Variants in PRKG1 observed in about 807,000 individuals in gnomAD.
PRKG1 encodes the protein cGMP-dependent protein kinase 1.
PRKG1 carries 35 observed loss-of-function variants against 88.1 expected under a neutral mutation model. The ratio of observed to expected loss-of-function variants is 0.40; its 90% confidence interval spans 0.30 to 0.53. PRKG1 has a LOEUF of 0.53. PRKG1 is among the 20% of genes least tolerant of loss of function. The pLI, the probability that PRKG1 is intolerant of heterozygous loss-of-function variation, is 0.59. For synonymous variants in PRKG1, 303 were observed against 292.5 expected (o/e 1.04, Z -0.37); for missense variants, 540 against 839.8 (o/e 0.64, Z 4.41).
intron 2 of PRKG1, among the ~76,000 whole-genome samples, chr10:51,271,967 A>G (rs954949269): frequency 1.3e-5 from 2 of 152,052 alleles, no homozygotes; most frequent in Non-Finnish European, 2.9e-5. Flanking sequence ...GGTATATCTG[A>G]TTCTAGATCC....
chr10:51,430,730 C>T (rs901667033), intron 2 of PRKG1, among the ~76,000 whole-genome samples: 4 of 152,040 alleles, frequency 2.6e-5, no homozygotes, highest in African/African-American at 4.8e-5. Context: ...AAAAACAAAA[C>T]GTGTTATGTC....
At chr10:51,998,741 A>C (rs1352903595) in intron 5 of PRKG1, among the ~76,000 whole-genome samples, 1 of 152,160 alleles carries the variant, frequency 6.6e-6, no homozygotes, top group Non-Finnish European at 1.5e-5. Context: ...ATTATTTGCA[A>C]TTTTTGAAGA....
chr10:52,088,744 A>G (rs537214762), intron 7 of PRKG1, among the ~76,000 whole-genome samples: 25 of 152,316 alleles, frequency 1.6e-4, no homozygotes, highest in African/African-American at 6.0e-4. Context: ...GTATTGTGTT[A>G]TGGCAGCAGA....
At position 51,629,078 on chromosome 10, in the gene PRKG1, A is replaced by T. The variant is rs535170432; in HGVS notation, c.592+161242A>T. Among the ~76,000 whole-genome samples, 6 of 152,310 alleles carry T rather than the reference A, an allele frequency of 3.9e-5. No individual in the cohort carries two copies. The South Asian group carries it at 1.2e-3, about 32-fold the overall frequency. On this transcript the variant is annotated intron_variant, in intron 3 of 17. Transcript: ENST00000373980. ...ACTTTGTTTTTATAAAATAGAAAGG[A>T]TCATAGTTGAAAATATGGGGTGTGG...
intron 3 of PRKG1, among the ~76,000 whole-genome samples, chr10:51,746,775 G>T (rs1310925963): frequency 6.6e-6 from 1 of 151,354 alleles, no homozygotes; most frequent in South Asian, 2.1e-4. Flanking sequence ...AAAAAGAAAA[G>T]AAAAGAAAAA....
chr10:51,097,772 C>T (rs1844571420), intron 1 of PRKG1, among the ~76,000 whole-genome samples: 1 of 152,290 alleles, frequency 6.6e-6, no homozygotes, highest in East Asian at 1.9e-4. Flanking sequence ...GAATTTTACA[C>T]TCAACCTTCT....
At chr10:51,495,773 G>T (rs1025924838) in intron 3 of PRKG1, among the ~76,000 whole-genome samples, 16 of 152,122 alleles carry the variant, frequency 1.1e-4, no homozygotes, top group African/African-American at 3.6e-4. Flanking sequence ...TGTATATTCC[G>T]CTGAGTTAAG....
chr10:51,960,452 G>A (rs1903957), intron 5 of PRKG1, among the ~76,000 whole-genome samples: 1 of 151,952 alleles, frequency 6.6e-6, no homozygotes, highest in South Asian at 2.1e-4. Context: ...AAATATTTAT[G>A]GGAGTAAGAT....
chr10:51,303,592 G>T (rs1159526669), intron 2 of PRKG1, among the ~76,000 whole-genome samples: 5 of 151,820 alleles, frequency 3.3e-5, no homozygotes, highest in Admixed American at 1.3e-4. Context: ...GTCTTACTGG[G>T]CATGATGGAT....
chr10:51,207,994 T>A (rs748554257), intron 2 of PRKG1, among the ~76,000 whole-genome samples: 3 of 152,272 alleles, frequency 2.0e-5, no homozygotes, highest in Admixed American at 2.0e-4. Context: ...ATTAACTGAA[T>A]GTCTTTGATG....
At chr10:51,266,531 A>G (rs1214185005) in intron 2 of PRKG1, among the ~76,000 whole-genome samples, 1 of 152,194 alleles carries the variant, frequency 6.6e-6, no homozygotes, top group Non-Finnish European at 1.5e-5. Flanking sequence ...TTCAAAATTG[A>G]TAAGAATTTG....
intron 9 of PRKG1, among the ~76,000 whole-genome samples, chr10:52,164,462 TG>T (rs1838375861): frequency 6.6e-6 from 1 of 152,196 alleles, no homozygotes; most frequent in Non-Finnish European, 1.5e-5. Flanking sequence ...ACAGATTCCA[TG>T]TCTATTATGT....
At chr10:51,627,909 T>C in intron 3 of PRKG1, among the ~76,000 whole-genome samples, 2 of 141,680 alleles carry the variant, frequency 1.4e-5, no homozygotes, top group African/African-American at 2.6e-5. Context: ...CTTCCCTTCC[T>C]TCCCTTCCTT....
At chr10:51,871,824 T>A (rs1841166035) in intron 4 of PRKG1, among the ~76,000 whole-genome samples, 1 of 152,088 alleles carries the variant, frequency 6.6e-6, no homozygotes, top group Admixed American at 6.6e-5. Context: ...GTGCAGAGTC[T>A]TGCTGCAGGG....
rs573076254 is a variant in PRKG1 at position 51,436,142 on chromosome 10, G to T, written c.479-31581G>T. 7.3e-5 allele frequency among the ~76,000 whole-genome samples: 11 copies of T among 151,048 alleles called. No individual in the cohort carries two copies. In the East Asian group the frequency reaches 2.1e-3, roughly 30 times the overall value. ...AAAGGCAATGATGCCCTTACAGGGT[G>T]CTGGGAAGGGTTAGAGTTTCTATCT... On this transcript the variant is annotated intron_variant, in intron 2 of 17. Coordinates refer to ENST00000373980, the MANE Select transcript of PRKG1 (RefSeq NM_006258.4).
At chr10:51,172,690 A>G (rs969619521) in intron 2 of PRKG1, among the ~76,000 whole-genome samples, 10 of 133,710 alleles carry the variant, frequency 7.5e-5, no homozygotes, top group Non-Finnish European at 1.5e-4. Context: ...CTATCTATCT[A>G]TCTATCTGTG....
chr10:51,877,175 A>G (rs926394563), intron 4 of PRKG1, among the ~76,000 whole-genome samples: 10 of 152,080 alleles, frequency 6.6e-5, no homozygotes, highest in African/African-American at 2.4e-4. Context: ...GAGCTCAAGC[A>G]ATCCTCCTGT....
intron 2 of PRKG1, among the ~76,000 whole-genome samples, chr10:51,269,723 G>T: frequency 6.6e-6 from 1 of 152,096 alleles, no homozygotes; most frequent in East Asian, 1.9e-4. Flanking sequence ...CGGAAGTGTT[G>T]GAGGGGGATG....
intron 4 of PRKG1, among the ~76,000 whole-genome samples, chr10:51,830,603 C>T (rs1382966303): frequency 7.0e-6 from 1 of 142,172 alleles, no homozygotes; most frequent in African/African-American, 2.6e-5. Context: ...ACTCTGTCGG[C>T]CAGGCTGGAG....
Sources: allele counts gnomAD v4.1 joint callset (sites outside exome capture counted in the v4.1 genomes callset), GRCh38; gene constraint gnomAD v4.1.1; transcripts MANE v1.5; gene names NCBI Gene and HGNC (gene_info 2026-07-23, HGNC 2026-07-21).